The following C4orf51 variants were observed in gnomAD, a reference collection of about 807,000 sequenced individuals.
The protein encoded by C4orf51 is chromosome 4 open reading frame 51.
Under a neutral mutation model 25.2 loss-of-function variants are expected in C4orf51, and 25 were observed. The observed-to-expected ratio is 0.99, with a 90% CI of 0.72 to 1.39. C4orf51 has a LOEUF of 1.39. C4orf51 is among the 40% of genes most tolerant of loss of function. The probability of loss-of-function intolerance (pLI) is 0.00; values close to 1 mark genes in which losing one functional copy is unlikely to be tolerated. For missense variants in C4orf51, 252 were observed against 239.6 expected, an observed-to-expected ratio of 1.05 and a Z score of -0.34; for synonymous variants, 100 against 84.5, an observed-to-expected ratio of 1.18 and a Z score of -1.01.
intron 2 of C4orf51, among the ~76,000 whole-genome samples, chr4:145,713,883 A>T (rs1386627499): frequency 6.6e-6 from 1 of 152,106 alleles, no homozygotes; most frequent in African/African-American, 2.4e-5. Context: ...CCTGGGTTCA[A>T]ATGATTCTCC....
At chr4:145,702,346 C>G (rs1315428661) in intron 2 of C4orf51, among the ~76,000 whole-genome samples, 3 of 151,928 alleles carry the variant, frequency 2.0e-5, no homozygotes, top group Non-Finnish European at 1.5e-5. Flanking sequence ...CTCAAACATG[C>G]TTTCTTTACT....
chr4:145,790,631 GGTAT>G, the C4orf51 span, among the ~76,000 whole-genome samples: 1 of 152,094 alleles, frequency 6.6e-6, no homozygotes, highest in Admixed American at 6.5e-5. Context: ...GGAATCCACT[GGTAT>G]CCTCAATTAT....
At chr4:145,720,082 G>T (rs750466049) in intron 2 of C4orf51, among the ~76,000 whole-genome samples, 2 of 152,182 alleles carry the variant, frequency 1.3e-5, no homozygotes, top group Non-Finnish European at 2.9e-5. Context: ...CCTGGAGGTT[G>T]TGGCCCCAGA....
At chr4:145,738,324 C>T (rs1315157686) in intron 1 of C4orf51, among the ~76,000 whole-genome samples, 1 of 151,856 alleles carries the variant, frequency 6.6e-6, no homozygotes, top group Non-Finnish European at 1.5e-5. Flanking sequence ...GTGGCAGGCA[C>T]CTGGAATCCC....
At chr4:145,766,131 G>A in intron 1 of C4orf51, among the ~76,000 whole-genome samples, 1 of 152,168 alleles carries the variant, frequency 6.6e-6, no homozygotes, top group East Asian at 1.9e-4. Flanking sequence ...AGGGAATGGA[G>A]TCACAGAAAG....
At chr4:145,714,217 A>G (rs1166742441) in intron 2 of C4orf51, among the ~76,000 whole-genome samples, 2 of 152,232 alleles carry the variant, frequency 1.3e-5, no homozygotes, top group African/African-American at 2.4e-5. Flanking sequence ...ATTGAAATGG[A>G]CTGGAACTGA....
chr4:145,782,018 G>A, the C4orf51 span, among the ~76,000 whole-genome samples: 1 of 152,186 alleles, frequency 6.6e-6, no homozygotes, highest in African/African-American at 2.4e-5. Context: ...GAAAGCTACC[G>A]AGGCTGTGCT....
At chr4:145,692,940 T>G (rs2132779) in intron 1 of C4orf51, among the ~76,000 whole-genome samples, 1 of 146,576 alleles carries the variant, frequency 6.8e-6, no homozygotes. Context: ...ACTCCGCTGA[T>G]ATTAAGTTTT....
chr4:145,719,778 C>T (rs1400074279), intron 2 of C4orf51, among the ~76,000 whole-genome samples: 2 of 152,222 alleles, frequency 1.3e-5, no homozygotes, highest in Admixed American at 6.5e-5. Context: ...TACACAGTTT[C>T]CGTGATGCGC....
chr4:145,768,957 T>A (rs1451884494), intron 1 of C4orf51, among the ~76,000 whole-genome samples: 1 of 131,178 alleles, frequency 7.6e-6, no homozygotes, highest in Non-Finnish European at 1.6e-5. Flanking sequence ...AATGGTGGGT[T>A]ACATCTAGAG....
intron 1 of C4orf51, among the ~76,000 whole-genome samples, chr4:145,751,995 C>T (rs2126811723): frequency 6.6e-6 from 1 of 152,306 alleles, no homozygotes; most frequent in East Asian, 1.9e-4. Flanking sequence ...AAGGGCTCTT[C>T]AGTCAGCTTG....
intron 4 of C4orf51, among the ~76,000 whole-genome samples, chr4:145,729,623 C>G (rs1039237495): frequency 2.6e-5 from 4 of 152,048 alleles, no homozygotes; most frequent in African/African-American, 9.7e-5. Context: ...ATTTTCATAC[C>G]TTTTGCATTT....
chr4:145,785,131 A>G, the C4orf51 span, among the ~76,000 whole-genome samples: 1 of 152,204 alleles, frequency 6.6e-6, no homozygotes, highest in East Asian at 1.9e-4. Context: ...GTATGGCTAG[A>G]AAAGTAGGAA....
intron 1 of C4orf51, among the ~76,000 whole-genome samples, chr4:145,694,398 G>A (rs1729893775): frequency 7.2e-6 from 1 of 138,266 alleles, no homozygotes; most frequent in South Asian, 2.7e-4. Flanking sequence ...CACCCGGCCA[G>A]CCGCCCCGTC....
At chr4:145,785,174 A>G in the C4orf51 span, among the ~76,000 whole-genome samples, 1 of 152,206 alleles carries the variant, frequency 6.6e-6, no homozygotes. Flanking sequence ...CATCTTAGCA[A>G]TCCCAAAACA....
chr4:145,742,892 T>C (rs939852940), intron 1 of C4orf51, among the ~76,000 whole-genome samples: 10 of 152,122 alleles, frequency 6.6e-5, no homozygotes, highest in African/African-American at 2.4e-4. Flanking sequence ...GTGAGGATGC[T>C]AAGAATCTGC....
chr4:145,790,515 T>G, the C4orf51 span, among the ~76,000 whole-genome samples: 21 of 152,054 alleles, frequency 1.4e-4, no homozygotes, highest in Non-Finnish European at 2.2e-4. Context: ...ACCTATAGAG[T>G]TTTTAGAATA....
intron 1 of C4orf51, chr4:145,764,886 T>C (rs1465197749): frequency 6.5e-7 from 1 of 1,549,036 alleles, no homozygotes; most frequent in Non-Finnish European, 8.9e-7. Flanking sequence ...AAGCTCCCCT[T>C]CTCCATGACT....
intron 5 of C4orf51, 24 bp downstream of exon 5, chr4:145,729,989 GC>G (rs1732371726): frequency 1.9e-6 from 3 of 1,603,234 alleles, no homozygotes; most frequent in Non-Finnish European, 1.7e-6. Context: ...TACTTGCCAT[GC>G]AACAGTGGAT....
Sources: allele counts gnomAD v4.1 joint callset (sites outside exome capture counted in the v4.1 genomes callset), GRCh38; gene constraint gnomAD v4.1.1; transcripts MANE v1.5; gene names NCBI Gene and HGNC (gene_info 2026-07-23, HGNC 2026-07-21).